Variants in TBCD observed in about 807,000 individuals in gnomAD.
TBCD encodes the protein tubulin folding cofactor D.
TBCD carries 105 observed loss-of-function variants against 169.3 expected under a neutral mutation model. The ratio of observed to expected loss-of-function variants is 0.62; its 90% CI spans 0.53 to 0.73. The LOEUF (loss-of-function observed/expected upper bound fraction) is 0.73, where lower values mean the gene tolerates loss of function less well. Among genes scored for constraint, TBCD ranks in the 30% least tolerant of loss-of-function variants. The pLI is 0.00. For synonymous variants in TBCD, 700 were observed against 643.9 expected, an observed-to-expected ratio of 1.09 and a Z score of -1.32; for missense variants, 1,444 against 1,600.1, an observed-to-expected ratio of 0.90 and a Z score of 1.66.
chr17:82,898,603 G>A (rs1409872663), intron 17 of TBCD, among the ~76,000 whole-genome samples: 1 of 149,704 alleles, frequency 6.7e-6, no homozygotes, highest in Non-Finnish European at 1.5e-5. Context: ...TTTTAGGGAA[G>A]CCTCCTGTTG....
intron 16 of TBCD, chr17:82,893,257 G>C (rs2059270439): frequency 4.5e-6 from 2 of 439,718 alleles, no homozygotes; most frequent in Non-Finnish European, 8.2e-6. Flanking sequence ...TTTCGGGAAA[G>C]GTCTCTTACC....
At chr17:82,825,633 C>T (rs2052775168) in intron 13 of TBCD, among the ~76,000 whole-genome samples, 1 of 151,990 alleles carries the variant, frequency 6.6e-6, no homozygotes, top group South Asian at 2.1e-4. Context: ...TCCTCAGATA[C>T]CCCTTGGAAT....
chr17:82,932,600 G>A, intron 33 of TBCD, 58 bp from the exon 34 acceptor site: 1 of 1,440,330 alleles, frequency 6.9e-7, no homozygotes, highest in Non-Finnish European at 9.7e-7. Flanking sequence ...CAGCCATTCA[G>A]GGAGTTGGGC....
At chr17:82,839,617 G>C (rs982887188) in intron 13 of TBCD, among the ~76,000 whole-genome samples, 11 of 152,326 alleles carry the variant, frequency 7.2e-5, no homozygotes, top group African/African-American at 2.6e-4. Context: ...TGTTTTTGAG[G>C]TTAGGAGCAG....
chr17:82,813,850 A>G (rs919920105), intron 12 of TBCD, among the ~76,000 whole-genome samples: 1 of 152,178 alleles, frequency 6.6e-6, no homozygotes, highest in Non-Finnish European at 1.5e-5. Context: ...CCGCTGGTGG[A>G]CGCTGGTGTC....
Position 82,752,204 on chromosome 17 carries a change from G to A in TBCD, c.11G>A (p.Ser4Asn). ...CCCCAGGCTGCCGAGATGGCCCTGA[G>A]CGACGAACCGGCCGCGGGCGGCCCC... The part of the protein sequence containing the change: MAL[S>N]DEPAAGGPEE... The change falls in exon 1 of 39, where the codon AGC (serine) becomes AAC (asparagine). Residue 4 changes from serine (S) to asparagine (N), a missense_variant. Transcript: ENST00000355528. 1 of 1,522,260 alleles carries A rather than the reference G, an allele frequency of 6.6e-7. No homozygotes were observed. The allele number at this position is 1,522,260 out of a possible 1,614,324, so 94.3% of individuals were successfully genotyped here. A position where few individuals can be genotyped will look rare whatever the true frequency, so the allele number is the denominator to read the frequency against.
chr17:82,874,344 G>A lies in TBCD; in HGVS notation c.1475+3964G>A, dbSNP rs972163419. Among the ~76,000 whole-genome samples the A allele has an allele frequency of 7.9e-5, 12 of 152,248 alleles. No homozygotes were observed. Among genetic ancestry groups the A allele is most frequent in the African/African-American group, 2.6e-4 (11 of 41,546 alleles). On this transcript the variant is annotated intron_variant, in intron 14 of 38. Transcript: ENST00000355528. The surrounding 1 kb of genome is among the most constrained non-coding windows in gnomAD (Gnocchi z 5.0). ...AGCCAGGGCCTCCCCGGCATGTGGC[G>A]GGGCCAGCGTTGGCCTGGGTCCCAC... is the stretch of plus-strand genomic sequence containing the variant.
intron 5 of TBCD, among the ~76,000 whole-genome samples, chr17:82,770,050 C>T (rs1203744581): frequency 1.3e-5 from 2 of 152,084 alleles, no homozygotes; most frequent in African/African-American, 4.8e-5. Context: ...GTTTACTTTG[C>T]TCATAAATGG....
At position 82,782,010 on chromosome 17, in the gene TBCD, A is replaced by C. The variant is rs1422329658; in HGVS notation, c.771+289A>C. On this transcript the variant is annotated intron_variant, in intron 7 of 38. Transcript: ENST00000355528. The surrounding 1 kb of genome is among the most constrained non-coding windows in gnomAD (Gnocchi z 5.1). ...GGCTCCCCAGGGTAGGTTTCTCTGCATCTGGGCTGCTTAGTTCCTGTTTAA... is the reference window on the plus strand; with the variant it reads ...GGCTCCCCAGGGTAGGTTTCTCTGCCTCTGGGCTGCTTAGTTCCTGTTTAA... Among the ~76,000 whole-genome samples the C allele has an allele frequency of 6.6e-6, 1 of 152,196 alleles. No individual in the cohort carries two copies. The highest frequency in any genetic ancestry group is 1.5e-5 in the Non-Finnish European group (1 of 68,024).
intron 7 of TBCD, among the ~76,000 whole-genome samples, chr17:82,790,672 G>A (rs750532088): frequency 1.1e-4 from 16 of 152,280 alleles, no homozygotes; most frequent in Non-Finnish European, 1.3e-4. Flanking sequence ...GCGCCGTCCG[G>A]GGGAGATGTG....
At chr17:82,819,401 C>T (rs1446913606) in intron 13 of TBCD, among the ~76,000 whole-genome samples, 1 of 152,240 alleles carries the variant, frequency 6.6e-6, no homozygotes, top group Non-Finnish European at 1.5e-5. Context: ...TGCACACACA[C>T]ACAGAATCTC....
chr17:82,908,826 T>G (rs2060422982), intron 21 of TBCD, among the ~76,000 whole-genome samples: 1 of 152,234 alleles, frequency 6.6e-6, no homozygotes, highest in Non-Finnish European at 1.5e-5. Context: ...AAAGAATACA[T>G]TTTAAAGAAT....
chr17:82,903,095 C>T lies in TBCD; in HGVS notation c.1731-310C>T, dbSNP rs1232719700. On this transcript the variant is annotated intron_variant, in intron 18 of 38. Coordinates refer to ENST00000355528, the MANE Select transcript of TBCD (RefSeq NM_005993.5). This position sits in a 1 kb window ranked among gnomAD's most constrained non-coding sequence, Gnocchi z 4.8. ...GGTGGTTTCACGTGGCTCTATCTCA[C>T]ACTCACAACCTCAGAGTAGCGTGGG... Among the ~76,000 whole-genome samples, 1 of 152,174 alleles carries T rather than the reference C, an allele frequency of 6.6e-6. No homozygotes were observed. The highest frequency in any genetic ancestry group is 1.5e-5 in the Non-Finnish European group (1 of 68,038).
intron 2 of TBCD, among the ~76,000 whole-genome samples, chr17:82,757,054 C>T (rs1471755919): frequency 6.6e-6 from 1 of 152,156 alleles, no homozygotes; most frequent in Non-Finnish European, 1.5e-5. Context: ...TTTCTACCTA[C>T]AAATGTGACA....
At position 82,900,717 on chromosome 17, in the gene TBCD, C is replaced by G. The variant is rs1344519312; in HGVS notation, c.1716C>G (p.Ile572Met). The change falls in exon 18 of 39, where the codon ATC becomes ATG. Residue 572 changes from isoleucine (I) to methionine (M), a missense_variant. Transcript: ENST00000355528. The part of the protein sequence containing the change: ...PMIDHLVTMK[I>M]SHWDGVIREL... ...TAGACCACCTGGTTACCATGAAGAT[C>G]AGCCACTGGGATGGGTAGGTTTTCT... The G allele has an allele frequency of 6.2e-7, 1 of 1,613,806 alleles. No individual in the cohort carries two copies. The highest frequency in any genetic ancestry group is 8.5e-7 in the Non-Finnish European group (1 of 1,179,806).
intron 19 of TBCD, among the ~76,000 whole-genome samples, chr17:82,904,656 G>A (rs988864519): frequency 1.3e-5 from 2 of 152,148 alleles, no homozygotes; most frequent in African/African-American, 2.4e-5. Flanking sequence ...TCACTCCCCC[G>A]ACATTTATTA....
chr17:82,779,682 G>A (rs568938086), intron 6 of TBCD, among the ~76,000 whole-genome samples: 19 of 152,342 alleles, frequency 1.2e-4, no homozygotes, highest in South Asian at 4.1e-4. Context: ...GCATGGAGCC[G>A]GCTCTCGCGC....
chr17:82,832,283 C>G lies in TBCD; in HGVS notation c.1318+17349C>G, dbSNP rs1320973456. ...GGGCACTTGGGAACTCGATCCTGCT[C>G]TGATACTAAAGTAATCGAGTTTTTA... On this transcript the variant is annotated intron_variant, in intron 13 of 38. Transcript: ENST00000355528. This position sits in a 1 kb window ranked among gnomAD's most constrained non-coding sequence, Gnocchi z 4.9. 2 of 1,614,232 alleles carry G rather than the reference C, an allele frequency of 1.2e-6. No individual in the cohort carries two copies. Among genetic ancestry groups the G allele is most frequent in the Non-Finnish European group, 8.5e-7 (1 of 1,180,050 alleles).
rs527542096 is a variant in TBCD, at chr17:82,884,471, G to T, written c.1533+269G>T. Among the ~76,000 whole-genome samples the T allele has an allele frequency of 6.6e-6, 1 of 152,354 alleles. No homozygotes were observed. Among genetic ancestry groups the T allele is most frequent in the Admixed American group, 6.5e-5 (1 of 15,308 alleles). On this transcript the variant is annotated intron_variant, in intron 15 of 38. Transcript: ENST00000355528. This position sits in a 1 kb window ranked among gnomAD's most constrained non-coding sequence, Gnocchi z 4.2. ...GATGGGTGATGGAGGCGAGTGGGAG[G>T]TGCCCGATGACAGGTCTTGGTGCAG... is the stretch of plus-strand genomic sequence containing the variant.
Sources: allele counts gnomAD v4.1 joint callset (sites outside exome capture counted in the v4.1 genomes callset), GRCh38; gene constraint gnomAD v4.1.1; non-coding constraint Gnocchi (gnomAD v3.1); transcripts MANE v1.5; gene names NCBI Gene and HGNC (gene_info 2026-07-23, HGNC 2026-07-21).